NKAIN3: variants seen among roughly 807,000 people sequenced by gnomAD.
The protein encoded by NKAIN3 is sodium/potassium-transporting ATPase subunit beta-1-interacting protein 3.
Under a neutral mutation model 30.2 loss-of-function variants are expected in NKAIN3, and 25 were observed. The observed-to-expected ratio is 0.83, with a 90% CI of 0.60 to 1.16. The LOEUF is 1.16. Ranked by LOEUF, NKAIN3 falls within the 50% of genes most tolerant of loss-of-function variation. NKAIN3 has a pLI of 0.00. For missense variants in NKAIN3, 225 were observed against 254.1 expected, an observed-to-expected ratio of 0.89 and a Z score of 0.78; for synonymous variants, 91 against 89.6, an observed-to-expected ratio of 1.02 and a Z score of -0.09.
At chr8:62,554,789 T>A (rs780423718) in intron 1 of NKAIN3, among the ~76,000 whole-genome samples, 14 of 152,112 alleles carry the variant, frequency 9.2e-5, no homozygotes, top group Non-Finnish European at 1.8e-4. Flanking sequence ...CCAGACTTAC[T>A]CATCCTACAT....
chr8:62,642,326 G>A (rs1021322158), intron 3 of NKAIN3, among the ~76,000 whole-genome samples: 3 of 151,990 alleles, frequency 2.0e-5, no homozygotes, highest in Non-Finnish European at 4.4e-5. Context: ...TATACCCATA[G>A]GATACTAATG....
chr8:62,432,369 A>G (rs1805037866), intron 1 of NKAIN3, among the ~76,000 whole-genome samples: 1 of 152,092 alleles, frequency 6.6e-6, no homozygotes, highest in Non-Finnish European at 1.5e-5. Context: ...CATCTCTTTC[A>G]GCCAAAATTA....
At chr8:62,299,033 A>T (rs1180397023) in intron 1 of NKAIN3, among the ~76,000 whole-genome samples, 1 of 151,970 alleles carries the variant, frequency 6.6e-6, no homozygotes, top group African/African-American at 2.4e-5. Context: ...TGAATAAATG[A>T]AAAGTATAGA....
chr8:62,988,649 T>A (rs1178316752), downstream of NKAIN3, among the ~76,000 whole-genome samples: 1 of 152,226 alleles, frequency 6.6e-6, no homozygotes, highest in Non-Finnish European at 1.5e-5. Context: ...GCAGGTGGGC[T>A]TTGGGCCCAG....
intron 4 of NKAIN3, among the ~76,000 whole-genome samples, chr8:62,782,630 A>G (rs868159511): frequency 6.6e-6 from 1 of 151,768 alleles, no homozygotes; most frequent in South Asian, 2.1e-4. Flanking sequence ...TACAACGTGG[A>G]TGGAATTGGA....
At chr8:62,375,333 C>T (rs1265042859) in intron 1 of NKAIN3, among the ~76,000 whole-genome samples, 1 of 152,168 alleles carries the variant, frequency 6.6e-6, no homozygotes, top group Non-Finnish European at 1.5e-5. Context: ...TTGATAAGCA[C>T]TGCAGGTTTT....
chr8:62,742,255 T>C (rs1007027857), intron 3 of NKAIN3, among the ~76,000 whole-genome samples: 1 of 152,116 alleles, frequency 6.6e-6, no homozygotes, highest in Non-Finnish European at 1.5e-5. Context: ...GGCAGGCTAG[T>C]TATAGGAAAC....
At chr8:62,659,885 T>C (rs541068394) in intron 3 of NKAIN3, among the ~76,000 whole-genome samples, 3 of 152,302 alleles carry the variant, frequency 2.0e-5, no homozygotes, top group Admixed American at 6.5e-5. Flanking sequence ...GCACAAGCAC[T>C]GTCTTTGCCT....
chr8:62,363,267 T>G (rs1000653061), intron 1 of NKAIN3, among the ~76,000 whole-genome samples: 20 of 152,200 alleles, frequency 1.3e-4, no homozygotes, highest in African/African-American at 4.8e-4. Context: ...CTTCCAGGAC[T>G]TTTGATTCTC....
intron 1 of NKAIN3, among the ~76,000 whole-genome samples, chr8:62,484,811 A>C (rs936278747): frequency 6.6e-6 from 1 of 152,194 alleles, no homozygotes; most frequent in Non-Finnish European, 1.5e-5. Context: ...ACAAAGGGTC[A>C]CATAGTGGTG....
chr8:62,824,193 C>T (rs553736591), intron 4 of NKAIN3, among the ~76,000 whole-genome samples: 2 of 152,252 alleles, frequency 1.3e-5, no homozygotes, highest in South Asian at 4.1e-4. Flanking sequence ...AGACATTTTT[C>T]TTCAGCTGAG....
At chr8:62,920,827 T>C (rs916675300) in intron 5 of NKAIN3, among the ~76,000 whole-genome samples, 1 of 152,248 alleles carries the variant, frequency 6.6e-6, no homozygotes, top group Non-Finnish European at 1.5e-5. Flanking sequence ...AAGCAAAGTA[T>C]ATATGCCAAA....
intron 1 of NKAIN3, among the ~76,000 whole-genome samples, chr8:62,392,178 G>C (rs906972976): frequency 1.1e-4 from 16 of 152,026 alleles, no homozygotes; most frequent in Non-Finnish European, 1.2e-4. Context: ...CCATGCTTTT[G>C]AAATTGTTAT....
At chr8:62,959,439 T>G in intron 6 of NKAIN3, among the ~76,000 whole-genome samples, 1 of 150,030 alleles carries the variant, frequency 6.7e-6, no homozygotes, top group Non-Finnish European at 1.5e-5. Flanking sequence ...TCAGGGTGTG[T>G]GTGTGTGTGT....
intron 3 of NKAIN3, among the ~76,000 whole-genome samples, chr8:62,733,278 T>C (rs1269924120): frequency 6.6e-6 from 1 of 152,188 alleles, no homozygotes; most frequent in African/African-American, 2.4e-5. Flanking sequence ...TTGTCTCATA[T>C]GAATAATATT....
At chr8:62,697,384 C>T (rs562064409) in intron 3 of NKAIN3, among the ~76,000 whole-genome samples, 56 of 152,334 alleles carry the variant, frequency 3.7e-4, no homozygotes, top group African/African-American at 1.3e-3. Flanking sequence ...CTGGGATTCT[C>T]TTCCATGAGT....
chr8:62,311,088 C>T (rs1814412312), intron 1 of NKAIN3, among the ~76,000 whole-genome samples: 1 of 150,308 alleles, frequency 6.7e-6, no homozygotes, highest in African/African-American at 2.5e-5. Flanking sequence ...TCATTGTTTA[C>T]ATGCAGGCTT....
chr8:62,527,955 GAGAA>G (rs1470430861), intron 1 of NKAIN3, among the ~76,000 whole-genome samples: 5 of 151,552 alleles, frequency 3.3e-5, no homozygotes, highest in Non-Finnish European at 7.4e-5. Context: ...GAGACAAAGA[GAGAA>G]AGAGAGATAG....
intron 1 of NKAIN3, among the ~76,000 whole-genome samples, chr8:62,370,066 T>C (rs1232421157): frequency 6.6e-6 from 1 of 152,012 alleles, no homozygotes; most frequent in Non-Finnish European, 1.5e-5. Flanking sequence ...GTTGAAGAGT[T>C]GATATTTTAA....
Sources: gnomAD v4.1 joint callset for allele counts (sites outside exome capture counted in the v4.1 genomes callset) on GRCh38, gnomAD v4.1.1 for gene constraint, MANE v1.5 for transcripts, NCBI Gene and HGNC (gene_info 2026-07-23, HGNC 2026-07-21) for gene names.